Variants in FSHR observed in about 807,000 individuals in gnomAD.
The protein encoded by FSHR is follicle-stimulating hormone receptor.
A neutral mutation model predicts 52.1 loss-of-function variants in FSHR; 46 were observed. That is an observed-to-expected ratio of 0.88 (90% CI 0.70 to 1.13). FSHR has a LOEUF of 1.13. Among genes scored for constraint, FSHR ranks in the 50% most tolerant of loss-of-function variants. The probability of loss-of-function intolerance (pLI) is 0.00; values close to 1 mark genes in which losing one functional copy is unlikely to be tolerated. For missense variants in FSHR, 964 were observed against 834.6 expected (o/e 1.16, Z -1.91); for synonymous variants, 399 against 309.6 (o/e 1.29, Z -3.03).
intron 2 of FSHR, among the ~76,000 whole-genome samples, chr2:49,061,962 T>C (rs74655275): frequency 0.025 from 3,771 of 151,160 alleles, 65 homozygotes; most frequent in Non-Finnish European, 0.041. Context: ...CAGTAATAGT[T>C]GGGGACTTCA....
chr2:49,062,393 C>G (rs890032198), intron 2 of FSHR, among the ~76,000 whole-genome samples: 3 of 152,066 alleles, frequency 2.0e-5, no homozygotes, highest in African/African-American at 7.2e-5. Context: ...ATCTATATTT[C>G]ACCATATACA....
intron 1 of FSHR, among the ~76,000 whole-genome samples, chr2:49,146,192 T>C (rs1315615511): frequency 6.6e-6 from 1 of 152,002 alleles, no homozygotes; most frequent in Non-Finnish European, 1.5e-5. Flanking sequence ...GCTACTATTG[T>C]GAGAAGACGA....
intron 1 of FSHR, among the ~76,000 whole-genome samples, chr2:49,103,352 C>CTTATG (rs1305692291): frequency 1.3e-5 from 2 of 152,144 alleles, no homozygotes; most frequent in African/African-American, 4.8e-5. Context: ...CAAAAAGTGG[C>CTTATG]ACTGGCAAAT....
intron 1 of FSHR, among the ~76,000 whole-genome samples, chr2:49,082,749 T>C (rs1670223626): frequency 6.6e-6 from 1 of 151,922 alleles, no homozygotes; most frequent in African/African-American, 2.4e-5. Context: ...GTATCAGCGA[T>C]GGAAGATGAA....
At chr2:49,135,519 A>T (rs1238495169) in intron 1 of FSHR, among the ~76,000 whole-genome samples, 1 of 152,176 alleles carries the variant, frequency 6.6e-6, no homozygotes. Context: ...AAAATATTTC[A>T]AATTAATAAC....
At chr2:49,060,441 G>T (rs1164448904) in intron 2 of FSHR, among the ~76,000 whole-genome samples, 1 of 152,154 alleles carries the variant, frequency 6.6e-6, no homozygotes, top group Non-Finnish European at 1.5e-5. Flanking sequence ...ACTGTGCCCT[G>T]CATCCCAGGA....
intron 1 of FSHR, among the ~76,000 whole-genome samples, chr2:49,075,936 A>G (rs1442252264): frequency 6.6e-6 from 1 of 152,220 alleles, no homozygotes; most frequent in Non-Finnish European, 1.5e-5. Flanking sequence ...CACCACAGCT[A>G]GACTAACAGT....
chr2:49,023,177 T>C (rs1667798309), intron 2 of FSHR, among the ~76,000 whole-genome samples: 1 of 152,226 alleles, frequency 6.6e-6, no homozygotes, highest in Non-Finnish European at 1.5e-5. Context: ...CTACCAGCAC[T>C]GAAGTTTTCC....
At chr2:49,064,615 C>T (rs1046150942) in intron 2 of FSHR, among the ~76,000 whole-genome samples, 10 of 151,940 alleles carry the variant, frequency 6.6e-5, no homozygotes, top group African/African-American at 9.7e-5. Context: ...GCAGCACAAA[C>T]GGACTAAGAT....
chr2:49,121,623 A>T (rs1558452819), intron 1 of FSHR, among the ~76,000 whole-genome samples: 1 of 152,260 alleles, frequency 6.6e-6, no homozygotes, highest in African/African-American at 2.4e-5. Flanking sequence ...ATATGACTTA[A>T]TGACTTCCTT....
At chr2:49,125,589 A>C (rs1284647481) in intron 1 of FSHR, among the ~76,000 whole-genome samples, 6 of 152,244 alleles carry the variant, frequency 3.9e-5, no homozygotes, top group African/African-American at 1.4e-4. Context: ...TGTCTCGCAC[A>C]CAGTAGGCAA....
At chr2:49,114,445 G>A (rs964560446) in intron 1 of FSHR, among the ~76,000 whole-genome samples, 1 of 152,158 alleles carries the variant, frequency 6.6e-6, no homozygotes, top group African/African-American at 2.4e-5. Flanking sequence ...CATTGTGGAA[G>A]TGCTTCAGAG....
intron 9 of FSHR, among the ~76,000 whole-genome samples, 171 bp downstream of exon 9, chr2:48,968,527 C>T (rs1267052790): frequency 2.0e-5 from 3 of 152,204 alleles, no homozygotes; most frequent in African/African-American, 7.2e-5. Flanking sequence ...TGAAAGAGTT[C>T]AACTATTCCT....
chr2:49,058,216 G>A (rs1036536730), intron 2 of FSHR, among the ~76,000 whole-genome samples: 1 of 152,148 alleles, frequency 6.6e-6, no homozygotes, highest in Non-Finnish European at 1.5e-5. Context: ...TTTGAAAAGA[G>A]GAAGTCAAAT....
At chr2:49,128,281 G>T (rs896136639) in intron 1 of FSHR, among the ~76,000 whole-genome samples, 1 of 152,054 alleles carries the variant, frequency 6.6e-6, no homozygotes, top group Admixed American at 6.6e-5. Flanking sequence ...ATAAATGAGT[G>T]AATGAATGGG....
chr2:49,048,959 A>T (rs566567930), intron 2 of FSHR, among the ~76,000 whole-genome samples: 2 of 152,206 alleles, frequency 1.3e-5, no homozygotes, highest in South Asian at 4.2e-4. Flanking sequence ...GCCCAGATGG[A>T]TGTGGTTGTG....
At chr2:49,128,636 C>T (rs1377607570) in intron 1 of FSHR, among the ~76,000 whole-genome samples, 2 of 151,912 alleles carry the variant, frequency 1.3e-5, no homozygotes, top group Non-Finnish European at 2.9e-5. Flanking sequence ...TGACTTCTAC[C>T]TTCTTAAGCA....
intron 1 of FSHR, among the ~76,000 whole-genome samples, chr2:49,103,945 C>G (rs1286569801): frequency 6.7e-6 from 1 of 149,672 alleles, no homozygotes; most frequent in Non-Finnish European, 1.5e-5. Context: ...GCTCAAATGT[C>G]ATGGATTATT....
intron 1 of FSHR, among the ~76,000 whole-genome samples, chr2:49,130,593 A>C (rs1270045268): frequency 6.6e-6 from 1 of 152,232 alleles, no homozygotes; most frequent in Non-Finnish European, 1.5e-5. Context: ...TTGAGGTTTA[A>C]GACATGCATA....
Sources: gnomAD v4.1 joint callset for allele counts (sites outside exome capture counted in the v4.1 genomes callset) on GRCh38, gnomAD v4.1.1 for gene constraint, MANE v1.5 for transcripts, NCBI Gene and HGNC (gene_info 2026-07-23, HGNC 2026-07-21) for gene names.